The following C1orf185 variants were observed in gnomAD, a reference collection of about 807,000 sequenced individuals.
C1orf185 encodes uncharacterized protein C1orf185.
In C1orf185, 13 loss-of-function variants were observed where a neutral mutation model predicts 16.1. The observed-to-expected ratio is 0.81, with a 90% CI of 0.53 to 1.28. The LOEUF is 1.28. C1orf185 is among the 50% of genes most tolerant of loss of function. The probability of loss-of-function intolerance (pLI) is 0.00; values close to 1 mark genes in which losing one functional copy is unlikely to be tolerated. For missense variants in C1orf185, 220 were observed against 225.2 expected (o/e 0.98, Z 0.15); for synonymous variants, 80 against 76.9 (o/e 1.04, Z -0.21).
intron 2 of C1orf185, among the ~76,000 whole-genome samples, chr1:51,117,134 A>G (rs936199366): frequency 6.6e-6 from 1 of 152,172 alleles, no homozygotes; most frequent in Non-Finnish European, 1.5e-5. Context: ...TCCTACCACT[A>G]TATATACAAC....
At position 51,125,824 on chromosome 1, in the gene C1orf185, A is replaced by G. The variant is rs373932645; in HGVS notation, c.258+7023A>G. ...CTAGGCATGATCTGATTGGGTCCCAAAGAGGAGGTGCCAGGTCATTGGGTT... is the reference window on the plus strand; with the variant it reads ...CTAGGCATGATCTGATTGGGTCCCAGAGAGGAGGTGCCAGGTCATTGGGTT... On this transcript the variant is annotated intron_variant, in intron 3 of 4. Coordinates refer to ENST00000371759, the MANE Select transcript of C1orf185 (RefSeq NM_001136508.2). Among the ~76,000 whole-genome samples the G allele has an allele frequency of 2.0e-4, 30 of 152,238 alleles. No individual in the cohort carries two copies. The South Asian group carries it at 5.8e-3, about 29-fold the overall frequency.
At chr1:51,106,295 A>G (rs1358849706) in intron 1 of C1orf185, among the ~76,000 whole-genome samples, 2 of 152,182 alleles carry the variant, frequency 1.3e-5, no homozygotes, top group Non-Finnish European at 2.9e-5. Context: ...AATTGTACCT[A>G]TAAGCCCTTA....
chr1:51,115,718 T>C (rs114980256), intron 2 of C1orf185, among the ~76,000 whole-genome samples: 214 of 152,312 alleles, frequency 1.4e-3, no homozygotes, highest in Non-Finnish European at 2.4e-3. Flanking sequence ...TATGTCTCTA[T>C]GAAGCCTGAA....
intron 2 of C1orf185, among the ~76,000 whole-genome samples, chr1:51,116,275 A>G (rs999315387): frequency 3.3e-5 from 5 of 150,754 alleles, no homozygotes; most frequent in Non-Finnish European, 5.9e-5. Flanking sequence ...CACTTCTACC[A>G]GATGTTCTCC....
intron 3 of C1orf185, among the ~76,000 whole-genome samples, chr1:51,120,249 G>A (rs1398840392): frequency 1.3e-5 from 2 of 152,176 alleles, no homozygotes; most frequent in Non-Finnish European, 2.9e-5. Context: ...TTACCCCTTA[G>A]GCCGCACAGA....
chr1:51,111,250 T>G (rs553665068), intron 1 of C1orf185, among the ~76,000 whole-genome samples: 7 of 152,222 alleles, frequency 4.6e-5, no homozygotes, highest in African/African-American at 1.7e-4. Context: ...TTTTCTTTCG[T>G]GGACCTCAAT....
At chr1:51,102,474 A>G in intron 1 of C1orf185, 2 of 327,128 alleles carry the variant, frequency 6.1e-6, no homozygotes, top group East Asian at 9.2e-5. Context: ...CTGTTCATAT[A>G]TGTTTTCTAT....
downstream of C1orf185, among the ~76,000 whole-genome samples, chr1:51,151,456 T>C (rs1345455809): frequency 6.6e-6 from 1 of 151,954 alleles, no homozygotes; most frequent in Non-Finnish European, 1.5e-5. Flanking sequence ...AGAGATCTTT[T>C]GAAAAAAAAG....
chr1:51,135,065 A>T (rs918644163), intron 3 of C1orf185, among the ~76,000 whole-genome samples: 1 of 152,240 alleles, frequency 6.6e-6, no homozygotes, highest in Non-Finnish European at 1.5e-5. Context: ...CTTCAGGCCT[A>T]TATCTTTGAA....
At chr1:51,119,952 A>G (rs1234783613) in intron 3 of C1orf185, among the ~76,000 whole-genome samples, 1 of 152,200 alleles carries the variant, frequency 6.6e-6, no homozygotes, top group African/African-American at 2.4e-5. Flanking sequence ...ACATCATATG[A>G]TAAGAGCTCA....
downstream of C1orf185, among the ~76,000 whole-genome samples, chr1:51,149,145 T>C (rs1426573391): frequency 6.6e-6 from 1 of 151,930 alleles, no homozygotes; most frequent in African/African-American, 2.4e-5. Flanking sequence ...CTTTTCTTTT[T>C]TCTTTTTTTT....
chr1:51,109,623 T>C (rs1285020346), intron 1 of C1orf185, among the ~76,000 whole-genome samples: 2 of 152,124 alleles, frequency 1.3e-5, no homozygotes, highest in African/African-American at 2.4e-5. Flanking sequence ...TGCAGATGGA[T>C]AGCCAGTTTT....
intron 1 of C1orf185, among the ~76,000 whole-genome samples, chr1:51,102,631 T>C (rs1259976065): frequency 6.6e-6 from 1 of 152,136 alleles, no homozygotes; most frequent in African/African-American, 2.4e-5. Context: ...TTTTTAATAT[T>C]ATTTATTTAT....
chr1:51,130,826 T>G (rs1447395957), intron 3 of C1orf185, among the ~76,000 whole-genome samples: 2 of 152,186 alleles, frequency 1.3e-5, no homozygotes, highest in Non-Finnish European at 2.9e-5. Flanking sequence ...CCTTCCAGTT[T>G]TGTTCTTTTT....
intron 3 of C1orf185, among the ~76,000 whole-genome samples, chr1:51,121,698 A>G (rs1646198641): frequency 6.6e-6 from 1 of 152,196 alleles, no homozygotes; most frequent in African/African-American, 2.4e-5. Context: ...TAATAAAAAT[A>G]GGTTTAATAT....
intron 2 of C1orf185, among the ~76,000 whole-genome samples, chr1:51,115,568 T>C (rs1646151791): frequency 1.3e-5 from 2 of 152,192 alleles, no homozygotes; most frequent in South Asian, 4.1e-4. Flanking sequence ...CTTAGGTAAA[T>C]ACCTAAAACT....
intron 1 of C1orf185, among the ~76,000 whole-genome samples, chr1:51,106,274 T>A (rs563377654): frequency 6.6e-6 from 1 of 152,196 alleles, no homozygotes; most frequent in Admixed American, 6.5e-5. Context: ...TATAGAAAGG[T>A]CTAGAGTGAA....
intron 1 of C1orf185, among the ~76,000 whole-genome samples, chr1:51,103,036 T>C (rs1334541076): frequency 6.6e-6 from 1 of 152,148 alleles, no homozygotes; most frequent in Non-Finnish European, 1.5e-5. Flanking sequence ...TTAGGGTATA[T>C]TTTAAGTTAT....
At chr1:51,118,616 T>C in intron 2 of C1orf185, 50 bp from the exon 3 acceptor site, 1 of 1,085,360 alleles carries the variant, frequency 9.2e-7, no homozygotes, top group Non-Finnish European at 1.2e-6. Flanking sequence ...TTTTAATTGT[T>C]TTATAATCTA....
Sources: allele counts gnomAD v4.1 joint callset (sites outside exome capture counted in the v4.1 genomes callset), GRCh38; gene constraint gnomAD v4.1.1; transcripts MANE v1.5; gene names NCBI Gene and HGNC (gene_info 2026-07-23, HGNC 2026-07-21).